The following MARK3 variants were observed in gnomAD, a reference collection of about 807,000 sequenced individuals.
MARK3 encodes the protein MAP/microtubule affinity-regulating kinase 3.
A neutral mutation model predicts 90.1 loss-of-function variants in MARK3; 46 were observed. The ratio of observed to expected loss-of-function variants is 0.51; its 90% CI spans 0.40 to 0.65. MARK3 has a LOEUF of 0.65. MARK3 is among the 30% of genes least tolerant of loss of function. The pLI, the probability that MARK3 is intolerant of heterozygous loss-of-function variation, is 0.00. For missense variants in MARK3, 818 were observed against 947.2 expected (o/e 0.86, Z 1.79); for synonymous variants, 321 against 332.6 (o/e 0.97, Z 0.38).
chr14:103,449,038 G>A (rs548871646), intron 4 of MARK3, 71 bp downstream of exon 4: 16 of 1,419,386 alleles, frequency 1.1e-5, no homozygotes, highest in South Asian at 7.6e-5. Flanking sequence ...AGCTAAACAC[G>A]TATTCTAGAA....
In MARK3 at chr14:103,480,383, A is replaced by G. The variant is rs1273780129; in HGVS notation, c.1483-4A>G. The G allele has an allele frequency of 1.9e-6, 3 of 1,592,710 alleles. No individual in the cohort carries two copies. Among genetic ancestry groups the G allele is most frequent in the Non-Finnish European group, 2.6e-6 (3 of 1,164,818 alleles). On this transcript the variant is annotated splice_region_variant and splice_polypyrimidine_tract_variant and intron_variant, in intron 13 of 17. Coordinates refer to ENST00000429436, the MANE Select transcript of MARK3 (RefSeq NM_001128918.3). ...ATTTAAGACAAAAATGCCCTTTTTT[A>G]TAGAGTAACACAGCATCTGGTGGAA...
chr14:103,386,388 C>T (rs3825566), intron 1 of MARK3: 438,010 of 662,166 alleles, frequency 0.66, 146,906 homozygotes, highest in East Asian at 0.84. Context: ...ATTGTGCAAA[C>T]GTGTGTGTCA....
At position 103,469,030 on chromosome 14, in the gene MARK3, C is replaced by A. The variant is rs536942682; in HGVS notation, c.1264+844C>A. Among the ~76,000 whole-genome samples, 47 of 152,180 alleles carry A rather than the reference C, an allele frequency of 3.1e-4. 2 individuals are homozygous for A. In the South Asian group the frequency reaches 9.5e-3, roughly 31 times the overall value. On this transcript the variant is annotated intron_variant, in intron 12 of 17. Transcript: ENST00000429436. ...GATTTACTTTGTAGAGTAGCACTGT[C>A]CAGTAGAACTTTCTGAGATGATTAC...
At chr14:103,457,984 G>GC (rs1165150550) in intron 6 of MARK3, among the ~76,000 whole-genome samples, 1 of 152,128 alleles carries the variant, frequency 6.6e-6, no homozygotes, top group African/African-American at 2.4e-5. Flanking sequence ...TAGGAGACCT[G>GC]CCATAGACTC....
chr14:103,476,837 A>G (rs1239568001), intron 13 of MARK3, among the ~76,000 whole-genome samples: 1 of 152,126 alleles, frequency 6.6e-6, no homozygotes, highest in Non-Finnish European at 1.5e-5. Flanking sequence ...GTCGAAGTAA[A>G]CCCTGTGTGA....
At chr14:103,430,566 C>T (rs1369613077) in intron 3 of MARK3, among the ~76,000 whole-genome samples, 2 of 152,176 alleles carry the variant, frequency 1.3e-5, no homozygotes, top group African/African-American at 4.8e-5. Flanking sequence ...TAACATTCAT[C>T]ATAAGGAACA....
intron 1 of MARK3, among the ~76,000 whole-genome samples, chr14:103,402,895 G>A (rs2091047815): frequency 1.3e-5 from 2 of 152,178 alleles, no homozygotes; most frequent in South Asian, 4.1e-4. Flanking sequence ...ACAGTGGTGG[G>A]TAATACTGGT....
At chr14:103,418,683 T>C (rs536337543) in intron 2 of MARK3, among the ~76,000 whole-genome samples, 1 of 152,336 alleles carries the variant, frequency 6.6e-6, no homozygotes, top group African/African-American at 2.4e-5. Context: ...TAAATGCTTA[T>C]GTTTAGTCAC....
At chr14:103,455,986 C>A (rs1004338754) in intron 5 of MARK3, among the ~76,000 whole-genome samples, 1 of 152,058 alleles carries the variant, frequency 6.6e-6, no homozygotes, top group African/African-American at 2.4e-5. Context: ...AATTAGTATT[C>A]TTTTCTATTG....
chr14:103,433,599 C>T (rs546194228), intron 3 of MARK3, among the ~76,000 whole-genome samples: 3 of 152,112 alleles, frequency 2.0e-5, no homozygotes, highest in African/African-American at 7.2e-5. Context: ...GCACAAGAAT[C>T]GCTTGAACCT....
intron 12 of MARK3, among the ~76,000 whole-genome samples, chr14:103,474,028 C>T (rs2093672834): frequency 7.3e-6 from 1 of 136,574 alleles, no homozygotes; most frequent in Non-Finnish European, 1.6e-5. Context: ...AACCCCGTCT[C>T]TACTAAAAAA....
chr14:103,458,781 C>T, intron 6 of MARK3: 1 of 721,486 alleles, frequency 1.4e-6, no homozygotes, highest in South Asian at 1.5e-5. Context: ...TTTGCTTAGT[C>T]TGATGTTTAC....
At chr14:103,482,197 G>A (rs1273061855) in intron 14 of MARK3, among the ~76,000 whole-genome samples, 1 of 151,936 alleles carries the variant, frequency 6.6e-6, no homozygotes, top group Non-Finnish European at 1.5e-5. Context: ...GAAGTTTCTG[G>A]TGTTACAGAT....
intron 1 of MARK3, among the ~76,000 whole-genome samples, chr14:103,387,179 T>C (rs2089874364): frequency 1.3e-5 from 2 of 152,228 alleles, no homozygotes; most frequent in Admixed American, 1.3e-4. Flanking sequence ...TGTCCTGAGA[T>C]GTTGTGGCCT....
At chr14:103,397,696 A>G (rs564877187) in intron 1 of MARK3, among the ~76,000 whole-genome samples, 17 of 152,226 alleles carry the variant, frequency 1.1e-4, no homozygotes, top group Non-Finnish European at 8.8e-5. Context: ...CAAGTAAATT[A>G]TTTTTCACCG....
intron 3 of MARK3, among the ~76,000 whole-genome samples, chr14:103,440,797 T>C (rs2092831270): frequency 1.3e-5 from 2 of 151,184 alleles, no homozygotes; most frequent in Admixed American, 6.6e-5. Context: ...TTTTTAATTA[T>C]CTGGGCATGG....
At position 103,466,226 on chromosome 14, in the gene MARK3, T is replaced by C. The variant is rs1274340029; in HGVS notation, c.898-117T>C. ...AAGAATTGAAACATTAAAAAATATT[T>C]TTTGAGTTTATGCTTTGAACGATAG... On this transcript the variant is annotated intron_variant, in intron 9 of 17. Transcript: ENST00000429436. 11 of 1,353,694 alleles carry C rather than the reference T, an allele frequency of 8.1e-6. No individual in the cohort carries two copies. In the East Asian group the frequency reaches 9.4e-5, roughly 12 times the overall value. 83.9% of individuals were successfully genotyped at this position (1,353,694 alleles called of 1,614,324 possible). A position where few individuals can be genotyped will look rare whatever the true frequency, so the allele number is the denominator to read the frequency against.
chr14:103,390,689 G>A (rs2090179559), intron 1 of MARK3, among the ~76,000 whole-genome samples: 1 of 152,176 alleles, frequency 6.6e-6, no homozygotes, highest in Admixed American at 6.5e-5. Flanking sequence ...CTAGGGCTGT[G>A]GGTTGGACAA....
chr14:103,497,053 A>G (rs1211160664), intron 15 of MARK3, among the ~76,000 whole-genome samples: 4 of 152,208 alleles, frequency 2.6e-5, no homozygotes, highest in African/African-American at 7.2e-5. Flanking sequence ...AAATAAATAA[A>G]TATTTAAAAG....
Sources: allele counts gnomAD v4.1 joint callset (sites outside exome capture counted in the v4.1 genomes callset), GRCh38; gene constraint gnomAD v4.1.1; transcripts MANE v1.5; gene names NCBI Gene and HGNC (gene_info 2026-07-23, HGNC 2026-07-21).